Variants in APP observed in about 807,000 individuals in gnomAD.
APP encodes amyloid beta precursor protein.
APP carries 31 observed loss-of-function variants against 101.4 expected under a neutral mutation model. That is an observed-to-expected ratio of 0.31 (90% CI 0.23 to 0.41). The LOEUF (loss-of-function observed/expected upper bound fraction) is 0.41, where lower values mean the gene tolerates loss of function less well. APP is among the 10% of genes least tolerant of loss of function. APP has a pLI of 1.00. For missense variants in APP, 839 were observed against 1,003.7 expected (o/e 0.84, Z 2.22); for synonymous variants, 366 against 364.4 (o/e 1.00, Z -0.05).
intron 14 of APP, among the ~76,000 whole-genome samples, chr21:25,906,247 G>C (rs2038783716): frequency 6.6e-6 from 1 of 152,220 alleles, no homozygotes; most frequent in Non-Finnish European, 1.5e-5. Context: ...GGAGCACTAG[G>C]ATATTTGGAT....
intron 11 of APP, among the ~76,000 whole-genome samples, chr21:25,963,296 G>A (rs754944279): frequency 1.7e-4 from 26 of 152,154 alleles, no homozygotes; most frequent in Non-Finnish European, 3.2e-4. Flanking sequence ...GACAGTTCAC[G>A]TGGGAAGTGT....
intron 1 of APP, among the ~76,000 whole-genome samples, chr21:26,119,713 C>T (rs2062522385): frequency 6.6e-6 from 1 of 152,062 alleles, no homozygotes; most frequent in South Asian, 2.1e-4. Context: ...CACATATACA[C>T]ACAGTTTAAG....
chr21:26,091,944 C>T (rs144920082), intron 2 of APP, among the ~76,000 whole-genome samples: 20 of 152,224 alleles, frequency 1.3e-4, no homozygotes, highest in Admixed American at 5.9e-4. Context: ...AGACGATACA[C>T]GGAATTTCAC....
intron 11 of APP, among the ~76,000 whole-genome samples, chr21:25,972,096 G>A (rs1658356258): frequency 6.6e-6 from 1 of 152,168 alleles, no homozygotes; most frequent in South Asian, 2.1e-4. Flanking sequence ...AGCAAACATG[G>A]ATATTTAAAC....
intron 11 of APP, among the ~76,000 whole-genome samples, chr21:25,974,463 TAA>T (rs1309295083): frequency 6.6e-6 from 1 of 152,074 alleles, no homozygotes; most frequent in Non-Finnish European, 1.5e-5. Context: ...AGTACCCTTA[TAA>T]AAGAGGGCCC....
chr21:25,901,296 T>TAAA (rs58481426), intron 15 of APP, among the ~76,000 whole-genome samples: 6 of 85,480 alleles, frequency 7.0e-5, no homozygotes, highest in African/African-American at 3.5e-4. Flanking sequence ...AATCCTGTTT[T>TAAA]AAAAAAAAAA....
chr21:25,894,899 C>T (rs555969881), intron 16 of APP, among the ~76,000 whole-genome samples: 32 of 152,276 alleles, frequency 2.1e-4, no homozygotes, highest in African/African-American at 7.0e-4. Context: ...AAGAGTCAAT[C>T]GATGCAGCAA....
chr21:26,131,433 C>CA (rs752726299), intron 1 of APP, among the ~76,000 whole-genome samples: 3 of 152,048 alleles, frequency 2.0e-5, no homozygotes, highest in African/African-American at 7.2e-5. Flanking sequence ...GCGCATAGAG[C>CA]AATACACTCA....
intron 1 of APP, among the ~76,000 whole-genome samples, chr21:26,162,162 T>C (rs2063505157): frequency 6.6e-6 from 1 of 152,194 alleles, no homozygotes; most frequent in African/African-American, 2.4e-5. Context: ...ACCCCATCTC[T>C]ACAAAACATT....
At chr21:26,087,890 C>T (rs879537273) in intron 3 of APP, among the ~76,000 whole-genome samples, 2 of 152,130 alleles carry the variant, frequency 1.3e-5, no homozygotes, top group South Asian at 2.1e-4. Flanking sequence ...GGACAGTCTC[C>T]GTGTAATTAT....
At chr21:25,891,154 T>C (rs2037671872) in intron 17 of APP, among the ~76,000 whole-genome samples, 1 of 151,978 alleles carries the variant, frequency 6.6e-6, no homozygotes, top group Non-Finnish European at 1.5e-5. Flanking sequence ...GGGTAATAGG[T>C]TGCAGAACTC....
rs2037700566 is a variant in APP at position 25,891,624 on chromosome 21, T to C, written c.2211+98A>G. 2.4e-6 allele frequency: 3 copies of C among 1,274,072 alleles called. No homozygotes were observed. In the African/African-American group the frequency reaches 4.4e-5, roughly 19 times the overall value. 78.9% of individuals were successfully genotyped at this position (1,274,072 alleles called of 1,614,324 possible). A position where few individuals can be genotyped will look rare whatever the true frequency, so the allele number is the denominator to read the frequency against. On this transcript the variant is annotated intron_variant, in intron 17 of 17. Coordinates refer to ENST00000346798, the MANE Select transcript of APP (RefSeq NM_000484.4). ...ATCATGGAAGCACACTGATTCGTTT[T>C]TTAAAAGAGATACTTAGCTAGTTCT...
At chr21:26,029,481 G>T (rs563801751) in intron 5 of APP, among the ~76,000 whole-genome samples, 1 of 152,120 alleles carries the variant, frequency 6.6e-6, no homozygotes, top group South Asian at 2.1e-4. Flanking sequence ...GTGAGGCAGA[G>T]ATTCCAGGTG....
intron 17 of APP, among the ~76,000 whole-genome samples, chr21:25,886,797 G>A (rs1021809315): frequency 6.6e-6 from 1 of 151,810 alleles, no homozygotes; most frequent in African/African-American, 2.4e-5. Context: ...TTTCCTTATC[G>A]TGGCTTTCCA....
intron 1 of APP, among the ~76,000 whole-genome samples, chr21:26,147,337 TATA>T (rs1053622200): frequency 6.6e-6 from 1 of 152,228 alleles, no homozygotes; most frequent in Non-Finnish European, 1.5e-5. Flanking sequence ...GCTGATAGCA[TATA>T]ATGTTAAAGA....
intron 1 of APP, among the ~76,000 whole-genome samples, chr21:26,125,240 G>C (rs1297934401): frequency 6.6e-6 from 1 of 152,188 alleles, no homozygotes; most frequent in East Asian, 1.9e-4. Context: ...CATCCCACCA[G>C]TGTATGAGGA....
chr21:25,890,463 A>G (rs1701007), intron 17 of APP, among the ~76,000 whole-genome samples: 122,891 of 152,230 alleles, frequency 0.81, 49,743 homozygotes, highest in African/African-American at 0.86. Context: ...AATGGGGGCC[A>G]GACGCGGTGG....
intron 11 of APP, among the ~76,000 whole-genome samples, chr21:25,968,725 C>T (rs954416660): frequency 3.3e-5 from 5 of 152,158 alleles, no homozygotes; most frequent in Non-Finnish European, 7.3e-5. Context: ...TGATTTAAAT[C>T]TGAGCTTCAA....
chr21:26,098,201 T>A (rs1027596758), intron 2 of APP, among the ~76,000 whole-genome samples: 2 of 148,404 alleles, frequency 1.3e-5, no homozygotes, highest in Admixed American at 6.7e-5. Flanking sequence ...ATATAATAAT[T>A]ATTATTAATA....
Sources: allele counts gnomAD v4.1 joint callset (sites outside exome capture counted in the v4.1 genomes callset), GRCh38; gene constraint gnomAD v4.1.1; transcripts MANE v1.5; gene names NCBI Gene and HGNC (gene_info 2026-07-23, HGNC 2026-07-21).